RGPD8: variants seen among roughly 807,000 people sequenced by gnomAD.
RGPD8 encodes RANBP2-like and GRIP domain-containing protein 8.
In RGPD8, 15 loss-of-function variants were observed where a neutral mutation model predicts 89.1. The observed-to-expected ratio is 0.17, with a 90% confidence interval of 0.11 to 0.26. The LOEUF (loss-of-function observed/expected upper bound fraction) is 0.26, where lower values mean the gene tolerates loss of function less well. Ranked by LOEUF, RGPD8 falls within the 10% of genes least tolerant of loss-of-function variation. The probability of loss-of-function intolerance (pLI) is 1.00; values close to 1 mark genes in which losing one functional copy is unlikely to be tolerated. For synonymous variants in RGPD8, 62 were observed against 420.9 expected (o/e 0.15, Z 10.44); for missense variants, 178 against 1,179.6 (o/e 0.15, Z 12.44).
At chr2:112,415,926 C>T (rs1467084933) in intron 6 of RGPD8, among the ~76,000 whole-genome samples, 4 of 151,614 alleles carry the variant, frequency 2.6e-5, no homozygotes, top group Non-Finnish European at 5.9e-5. Context: ...CCCGTCTCTA[C>T]TAAAAATACA....
chr2:112,433,572 C>G lies in RGPD8; in HGVS notation c.-119G>C, dbSNP rs1338687720. ...AAGCAGCGGCGTAGCCGGCGGAGGCCCACTGTGACGAGCGTGCGGCGCCGC... is the reference window on the plus strand; with the variant it reads ...AAGCAGCGGCGTAGCCGGCGGAGGCGCACTGTGACGAGCGTGCGGCGCCGC... On this transcript the variant is annotated 5_prime_UTR_variant, in exon 1 of 23. Transcript: ENST00000302558. 1 of 1,100,552 alleles carries G rather than the reference C, an allele frequency of 9.1e-7. No homozygotes were observed. Among genetic ancestry groups the G allele is most frequent in the Non-Finnish European group, 1.3e-6 (1 of 784,648 alleles). The allele number at this position is 1,100,552 out of a possible 1,614,324, so 68.2% of individuals were successfully genotyped here.
intron 22 of RGPD8, among the ~76,000 whole-genome samples, chr2:112,373,305 C>T (rs1392038265): frequency 6.6e-6 from 1 of 152,288 alleles, no homozygotes; most frequent in East Asian, 1.9e-4. Flanking sequence ...AGTCATTTTA[C>T]CTTATAACGC....
chr2:112,371,466 T>C (rs1324487650), intron 22 of RGPD8, among the ~76,000 whole-genome samples: 11 of 12,538 alleles, frequency 8.8e-4, no homozygotes, highest in Admixed American at 1.4e-3. Flanking sequence ...GAATTACCCA[T>C]GTTGCTGAAC....
intron 22 of RGPD8, among the ~76,000 whole-genome samples, chr2:112,373,347 T>C (rs1279245953): frequency 6.6e-6 from 1 of 152,300 alleles, no homozygotes; most frequent in Non-Finnish European, 1.5e-5. Context: ...GAGCAGCTCA[T>C]GACATCTGCT....
At chr2:112,410,685 G>A (rs1303916478) in intron 7 of RGPD8, among the ~76,000 whole-genome samples, 3 of 151,440 alleles carry the variant, frequency 2.0e-5, no homozygotes, top group Non-Finnish European at 2.9e-5. Context: ...GGCTGAAGCA[G>A]GAGAATCACT....
chr2:112,425,801 A>T (rs996290987), intron 1 of RGPD8, among the ~76,000 whole-genome samples: 1 of 151,622 alleles, frequency 6.6e-6, no homozygotes, highest in Admixed American at 6.6e-5. Flanking sequence ...AGTATGTTCC[A>T]TCCATGTGAT....
chr2:112,411,609 G>A (rs1227850822), intron 7 of RGPD8, among the ~76,000 whole-genome samples: 41 of 71,364 alleles, frequency 5.7e-4, no homozygotes, highest in African/African-American at 2.5e-3. Flanking sequence ...AAAGCCAGGC[G>A]CGCCAGGCGC....
intron 7 of RGPD8, among the ~76,000 whole-genome samples, chr2:112,409,189 A>G (rs1679068338): frequency 1.1e-5 from 1 of 91,478 alleles, no homozygotes; most frequent in South Asian, 4.3e-4. Flanking sequence ...CTGATCAAAT[A>G]AAATACAAGC....
chr2:112,433,392 G>A lies in RGPD8; in HGVS notation c.62C>T (p.Ser21Leu). ...YVASVLGLTP[S>L]PRQKSMKGFY... ...TCCAGACCCACTCACCTGTCGAGGC[G>A]ACGGGGTGAGACCCAGCACCGAGGC... The change falls in exon 1 of 23, where the codon TCG becomes TTG. Residue 21 changes from serine to leucine, a missense_variant. By Grantham distance (145) the Ser-to-Leu change is moderately radical. Transcript: ENST00000302558. 6.2e-7 allele frequency: 1 copy of A among 1,610,112 alleles called. No homozygotes were observed. The highest frequency in any genetic ancestry group is 8.5e-7 in the Non-Finnish European group (1 of 1,178,988).
chr2:112,432,912 CA>C, intron 1 of RGPD8, among the ~76,000 whole-genome samples: 1 of 144,076 alleles, frequency 6.9e-6, no homozygotes, highest in Admixed American at 6.8e-5. Context: ...CGCCAGGGAG[CA>C]GCGCCCTCGG....
chr2:112,430,989 C>T (rs1157016003), intron 1 of RGPD8, among the ~76,000 whole-genome samples: 7 of 151,916 alleles, frequency 4.6e-5, no homozygotes, highest in South Asian at 2.1e-4. Flanking sequence ...CAGTGGCTCA[C>T]GCCTATAATC....
At chr2:112,419,632 C>A (rs1363172254) in intron 4 of RGPD8, among the ~76,000 whole-genome samples, 1 of 152,156 alleles carries the variant, frequency 6.6e-6, no homozygotes, top group Non-Finnish European at 1.5e-5. Context: ...TGTAACAGTG[C>A]CTTCAAGTTA....
intron 6 of RGPD8, among the ~76,000 whole-genome samples, chr2:112,416,030 C>T (rs1397544623): frequency 6.9e-6 from 1 of 145,454 alleles, no homozygotes; most frequent in Non-Finnish European, 1.5e-5. Flanking sequence ...GCGGAGGTTA[C>T]AGTGAGCCAA....
At chr2:112,379,282 AAG>A (rs1399234725) in intron 21 of RGPD8, among the ~76,000 whole-genome samples, 10 of 152,074 alleles carry the variant, frequency 6.6e-5, no homozygotes, top group Non-Finnish European at 4.4e-5. Context: ...AGAAATCATG[AAG>A]AGAGTATAAA....
At chr2:112,426,733 G>A (rs1209960883) in intron 1 of RGPD8, among the ~76,000 whole-genome samples, 4 of 150,488 alleles carry the variant, frequency 2.7e-5, no homozygotes, top group East Asian at 2.0e-4. Flanking sequence ...GCAAGACTCC[G>A]TCTCAAAAAA....
intron 7 of RGPD8, among the ~76,000 whole-genome samples, chr2:112,411,124 T>C (rs1480378443): frequency 3.3e-5 from 5 of 152,306 alleles, no homozygotes; most frequent in Non-Finnish European, 5.9e-5. Context: ...AGGGGCCTTC[T>C]CTAAAAGTAA....
intron 20 of RGPD8, among the ~76,000 whole-genome samples, chr2:112,387,784 G>C (rs567662994): frequency 6.9e-6 from 1 of 145,826 alleles, no homozygotes; most frequent in Non-Finnish European, 1.5e-5. Flanking sequence ...AAGTTCTTTT[G>C]CTCTGCCCTA....
intron 1 of RGPD8, among the ~76,000 whole-genome samples, chr2:112,429,725 T>C (rs1301239813): frequency 6.6e-6 from 1 of 152,104 alleles, no homozygotes; most frequent in East Asian, 1.9e-4. Flanking sequence ...AGCTGCAGAA[T>C]AAGAAATCGA....
rs1323577468 is a variant in RGPD8 at position 112,425,783 on chromosome 2, ACAAC to A, written c.73-1480_73-1477del. 8.2e-4 allele frequency among the ~76,000 whole-genome samples: 124 copies of A among 151,288 alleles called. 1 individual carries two copies. Among genetic ancestry groups the A allele is most frequent in the Non-Finnish European group, 4.4e-4 (30 of 67,734 alleles). The stretch of plus-strand genomic sequence containing the variant: ...AAAAAAAAAAAAAAAAAATGCTGAT[ACAAC>A]CAGAGTATGTTCCATCCATGTGATA... On this transcript the variant is annotated intron_variant, in intron 1 of 22. Transcript: ENST00000302558.
Sources: allele counts gnomAD v4.1 joint callset (sites outside exome capture counted in the v4.1 genomes callset), GRCh38; gene constraint gnomAD v4.1.1; transcripts MANE v1.5; gene names NCBI Gene and HGNC (gene_info 2026-07-23, HGNC 2026-07-21).